Variants in AP2A2 observed in about 807,000 individuals in gnomAD.
The protein encoded by AP2A2 is adaptor related protein complex 2 subunit alpha 2.
A neutral mutation model predicts 104.2 loss-of-function variants in AP2A2; 32 were observed. The observed-to-expected ratio is 0.31, with a 90% CI of 0.23 to 0.41. The LOEUF (loss-of-function observed/expected upper bound fraction) is 0.41, where lower values mean the gene tolerates loss of function less well. Ranked by LOEUF, AP2A2 falls within the 10% of genes least tolerant of loss-of-function variation. AP2A2 has a pLI of 1.00. For missense variants in AP2A2, 912 were observed against 1,261.0 expected (o/e 0.72, Z 4.19); for synonymous variants, 539 against 533.3 (o/e 1.01, Z -0.15).
intron 1 of AP2A2, among the ~76,000 whole-genome samples, chr11:959,199 C>T (rs1854342970): frequency 6.6e-6 from 1 of 152,238 alleles, no homozygotes; most frequent in Admixed American, 6.5e-5. Flanking sequence ...TCAGGACTCG[C>T]TCCTTTGCTG....
At chr11:1,009,536 C>G in intron 20 of AP2A2, 139 bp downstream of exon 20, 2 of 1,312,884 alleles carry the variant, frequency 1.5e-6, no homozygotes, top group Non-Finnish European at 2.1e-6. Context: ...GGACACGCAG[C>G]CCGCGACCCA....
chr11:993,246 C>G lies in AP2A2; in HGVS notation c.1453-38C>G. 3 of 1,553,320 alleles carry G rather than the reference C, an allele frequency of 1.9e-6. No individual in the cohort carries two copies. Among genetic ancestry groups the G allele is most frequent in the South Asian group, 2.4e-5 (2 of 84,898 alleles). ...TGCCCGCCTCGCCTTAACTCTGGCACCTGGCTGCCACCCCGGCTCATTGTT... is the reference window on the plus strand; with the variant it reads ...TGCCCGCCTCGCCTTAACTCTGGCAGCTGGCTGCCACCCCGGCTCATTGTT... On this transcript the variant is annotated intron_variant, in intron 11 of 21. Coordinates refer to ENST00000448903, the MANE Select transcript of AP2A2 (RefSeq NM_012305.4). The surrounding 1 kb of genome is among the most constrained non-coding windows in gnomAD (Gnocchi z 8.2).
At chr11:982,551 C>T (rs1402892539) in intron 6 of AP2A2, among the ~76,000 whole-genome samples, 4 of 151,810 alleles carry the variant, frequency 2.6e-5, no homozygotes, top group African/African-American at 9.7e-5. Context: ...GTCGTTGGTA[C>T]TCTTCACATT....
chr11:934,863 CTT>C (rs573925246), intron 1 of AP2A2, among the ~76,000 whole-genome samples: 6 of 144,110 alleles, frequency 4.2e-5, no homozygotes, highest in African/African-American at 5.1e-5. Context: ...CTTTTCTTTT[CTT>C]TTTTTTTTTT....
chr11:930,403 A>C (rs985197626), intron 1 of AP2A2, among the ~76,000 whole-genome samples: 1 of 152,148 alleles, frequency 6.6e-6, no homozygotes, highest in Non-Finnish European at 1.5e-5. Flanking sequence ...GATTGACGTC[A>C]ACCCAGCGGC....
intron 1 of AP2A2, among the ~76,000 whole-genome samples, chr11:936,298 G>A (rs1301307957): frequency 1.4e-5 from 2 of 145,632 alleles, no homozygotes; most frequent in South Asian, 2.2e-4. Flanking sequence ...CTGCAGCTTC[G>A]ACCTCCTGGA....
chr11:1,006,489 A>G (rs757744480), intron 16 of AP2A2, 39 bp from the exon 17 acceptor site: 2 of 1,414,628 alleles, frequency 1.4e-6, no homozygotes, highest in Non-Finnish European at 2.0e-6. Flanking sequence ...GGTAAGTGTG[A>G]AATGGTGTGT....
chr11:954,105 C>T (rs1854150444), intron 1 of AP2A2, among the ~76,000 whole-genome samples: 3 of 152,138 alleles, frequency 2.0e-5, no homozygotes, highest in African/African-American at 7.2e-5. Context: ...AAAGTGCAGA[C>T]GTGAGTCACT....
At chr11:980,844 A>T (rs985040662) in intron 5 of AP2A2, among the ~76,000 whole-genome samples, 6 of 152,268 alleles carry the variant, frequency 3.9e-5, no homozygotes, top group African/African-American at 1.4e-4. Flanking sequence ...AACCAGAGGC[A>T]GCAAGTGCAG....
At chr11:934,864 T>C (rs1473764507) in intron 1 of AP2A2, among the ~76,000 whole-genome samples, 1 of 140,578 alleles carries the variant, frequency 7.1e-6, no homozygotes, top group Non-Finnish European at 1.6e-5. Flanking sequence ...TTTTCTTTTC[T>C]TTTTTTTTTT....
At chr11:927,089 C>T (rs1853144446) in intron 1 of AP2A2, among the ~76,000 whole-genome samples, 2 of 152,032 alleles carry the variant, frequency 1.3e-5, no homozygotes, top group South Asian at 4.2e-4. Flanking sequence ...TTTTTTGAGA[C>T]AGGGTCTTGC....
rs200458953 is a variant in AP2A2, at chr11:1,010,583, C to T, written c.2778C>T (p.Ala926=). 116 of 1,599,302 alleles carry T rather than the reference C, an allele frequency of 7.3e-5. No homozygotes were observed. In the East Asian group the frequency reaches 2.1e-3, roughly 29 times the overall value. Residue 926 remains alanine (A), a synonymous_variant, in exon 22 of 22, where the codon GCC becomes GCT. Transcript: ENST00000448903. ...YRLTLRTSKE[A]VSQRLCELLS... is the part of the protein sequence containing the mutation. The stretch of plus-strand genomic sequence containing the variant: ...TCACGCTGCGCACAAGTAAGGAAGC[C>T]GTTTCTCAGAGATTATGTGAATTGC...
intron 1 of AP2A2, among the ~76,000 whole-genome samples, chr11:933,901 G>A (rs1435844082): frequency 6.6e-6 from 1 of 152,156 alleles, no homozygotes; most frequent in Non-Finnish European, 1.5e-5. Context: ...GCCTTTTGGA[G>A]CCTGCACTTC....
At chr11:937,020 G>A (rs1461596683) in intron 1 of AP2A2, among the ~76,000 whole-genome samples, 1 of 151,852 alleles carries the variant, frequency 6.6e-6, no homozygotes, top group Non-Finnish European at 1.5e-5. Context: ...TCTATTTAAT[G>A]TATTTATATT....
In AP2A2 at chr11:928,037, G is replaced by A. The variant is rs1489804154; in HGVS notation, c.67+1949G>A. Among the ~76,000 whole-genome samples, 5 of 152,072 alleles carry A rather than the reference G, an allele frequency of 3.3e-5. No individual in the cohort carries two copies. The East Asian group carries it at 9.6e-4, about 29-fold the overall frequency. On this transcript the variant is annotated intron_variant, in intron 1 of 21. Coordinates refer to ENST00000448903, the MANE Select transcript of AP2A2 (RefSeq NM_012305.4). ...CCATTTTTGAAGAAAATTGCGTTAGGCAGGACAATGAGATTGAAAGCCATT... is the reference window on the plus strand; with the variant it reads ...CCATTTTTGAAGAAAATTGCGTTAGACAGGACAATGAGATTGAAAGCCATT...
In AP2A2 at chr11:925,949, C is replaced by T. The variant is rs371493949; in HGVS notation, c.-73C>T. On this transcript the variant is annotated 5_prime_UTR_variant, in exon 1 of 22. Transcript: ENST00000448903. ...TCCTCCGCGGCGGTGACGGCGACCGCACTCCCCGCTTCCCGCTCCCCGCGC... is the reference window on the plus strand; with the variant it reads ...TCCTCCGCGGCGGTGACGGCGACCGTACTCCCCGCTTCCCGCTCCCCGCGC... 1.7e-6 allele frequency: 2 copies of T among 1,193,098 alleles called. No individual in the cohort carries two copies. Among genetic ancestry groups the T allele is most frequent in the Admixed American group, 7.4e-5 (2 of 26,854 alleles). The allele number at this position is 1,193,098 out of a possible 1,614,324, so 73.9% of individuals were successfully genotyped here. A position where few individuals can be genotyped will look rare whatever the true frequency, so the allele number is the denominator to read the frequency against.
chr11:1,010,614 G>C lies in AP2A2; in HGVS notation c.2809G>C (p.Ala937Pro). The change falls in exon 22 of 22, where the codon GCG becomes CCG. Residue 937 changes from alanine to proline, a missense_variant. Ala to Pro is a conservative substitution (Grantham distance 27, BLOSUM62 -1). This residue lies in a region of AP2A2 where 239 missense variants were observed against 329.8 expected (regional missense o/e 0.72). Transcript: ENST00000448903. ...TCAGAGATTATGTGAATTGCTCTCAGCGCAGTTTTAGTCCTGAGGATGGAA... is the reference window on the plus strand; with the variant it reads ...TCAGAGATTATGTGAATTGCTCTCACCGCAGTTTTAGTCCTGAGGATGGAA... Reference protein sequence around the residue: ...VSQRLCELLSAQF With the variant: ...VSQRLCELLSPQF 6.3e-7 allele frequency: 1 copy of C among 1,594,862 alleles called. No homozygotes were observed. Among genetic ancestry groups the C allele is most frequent in the Non-Finnish European group, 8.5e-7 (1 of 1,170,638 alleles).
intron 7 of AP2A2, 117 bp from the exon 8 acceptor site, chr11:985,318 C>A: frequency 7.4e-7 from 1 of 1,343,486 alleles, no homozygotes; most frequent in Non-Finnish European, 1.0e-6. Context: ...GCTGGGTACA[C>A]AAATGTGAAT....
intron 1 of AP2A2, among the ~76,000 whole-genome samples, chr11:938,383 C>T (rs563436001): frequency 2.2e-4 from 34 of 152,106 alleles, no homozygotes; most frequent in Admixed American, 1.7e-3. Context: ...CATCATTCCT[C>T]GCATCGATTA....
Sources: allele counts gnomAD v4.1 joint callset (sites outside exome capture counted in the v4.1 genomes callset), GRCh38; gene constraint gnomAD v4.1.1; regional missense constraint gnomAD v4.1.1; non-coding constraint Gnocchi (gnomAD v3.1); transcripts MANE v1.5; gene names NCBI Gene and HGNC (gene_info 2026-07-23, HGNC 2026-07-21).